MON1A: variants seen among roughly 807,000 people sequenced by gnomAD.
MON1A encodes the protein MON1 vesicular trafficking associated A, also known as vacuolar fusion protein MON1 homolog A.
A neutral mutation model predicts 44.6 loss-of-function variants in MON1A; 29 were observed. The observed-to-expected ratio is 0.65, with a 90% CI of 0.48 to 0.89. The LOEUF (loss-of-function observed/expected upper bound fraction) is 0.89, where lower values mean the gene tolerates loss of function less well. Ranked by LOEUF, MON1A falls within the 40% of genes least tolerant of loss-of-function variation. MON1A has a pLI of 0.00. For synonymous variants in MON1A, 275 were observed against 316.4 expected, an observed-to-expected ratio of 0.87 and a Z score of 1.39; for missense variants, 615 against 759.6, an observed-to-expected ratio of 0.81 and a Z score of 2.24.
chr3:49,912,878 A>C, intron 2 of MON1A: 1 of 397,960 alleles, frequency 2.5e-6, no homozygotes, highest in South Asian at 2.2e-5. Flanking sequence ...TAAAGAGATA[A>C]AATTATGAAA....
At chr3:49,927,078 T>C (rs2083058394) in intron 1 of MON1A, among the ~76,000 whole-genome samples, 1 of 152,144 alleles carries the variant, frequency 6.6e-6, no homozygotes, top group Admixed American at 6.5e-5. Flanking sequence ...CGCGCCCAGC[T>C]GAACTTGTGT....
At chr3:49,923,750 C>G (rs2083025180) in intron 1 of MON1A, among the ~76,000 whole-genome samples, 1 of 149,656 alleles carries the variant, frequency 6.7e-6, no homozygotes, top group African/African-American at 2.4e-5. Flanking sequence ...CTCACCTGGC[C>G]AAGAAAGACA....
chr3:49,917,199 C>T (rs919781051), intron 1 of MON1A, among the ~76,000 whole-genome samples: 1 of 152,204 alleles, frequency 6.6e-6, no homozygotes, highest in Non-Finnish European at 1.5e-5. Flanking sequence ...TGGGCTCAAG[C>T]AATCTGCCTG....
Position 49,929,768 on chromosome 3 carries a change from C to A in MON1A, c.-173G>T. 6.5e-7 allele frequency: 1 copy of A among 1,549,156 alleles called. No homozygotes were observed. The highest frequency in any genetic ancestry group is 8.7e-7 in the Non-Finnish European group (1 of 1,146,688). ...ACAGACATGGCCACAGCGCAGGCACCGCTCCCTCCCACCGCCCTCACCCGG... is the reference window on the plus strand; with the variant it reads ...ACAGACATGGCCACAGCGCAGGCACAGCTCCCTCCCACCGCCCTCACCCGG... On this transcript the variant is annotated 5_prime_UTR_variant, in exon 1 of 6. Transcript: ENST00000296473.
intron 1 of MON1A, among the ~76,000 whole-genome samples, chr3:49,918,040 C>CA (rs1004677386): frequency 1.7e-4 from 25 of 145,164 alleles, no homozygotes; most frequent in African/African-American, 4.9e-4. Context: ...AATTGCGTCT[C>CA]AAAAAAAACA....
chr3:49,910,233 G>A lies in MON1A; in HGVS notation c.1265C>T (p.Ala422Val), dbSNP rs2082857902. ...CAGTGCCTCTCGCAGGGCCAGGTGGGCTCCGCGCTTGCGAAGGCGCTCCTG... is the reference window on the plus strand; with the variant it reads ...CAGTGCCTCTCGCAGGGCCAGGTGGACTCCGCGCTTGCGAAGGCGCTCCTG... ...RFQERLRKRGAHLALREALRT... is the reference protein window; with the variant it reads ...RFQERLRKRGVHLALREALRT... The change falls in exon 4 of 6, where the codon GCC (alanine) becomes GTC (valine). Residue 422 changes from alanine to valine, a missense_variant. Physicochemically the swap from Ala to Val is moderately conservative, Grantham distance 64 (BLOSUM62 0). Coordinates refer to ENST00000296473, the MANE Select transcript of MON1A (RefSeq NM_032355.4). This position sits in a 1 kb window ranked among gnomAD's most constrained non-coding sequence, Gnocchi z 8.0. 2 of 1,613,974 alleles carry A rather than the reference G, an allele frequency of 1.2e-6. No homozygotes were observed. The highest frequency in any genetic ancestry group is 2.2e-5 in the South Asian group (2 of 91,090).
Position 49,913,252 on chromosome 3 carries a change from G to A in MON1A, c.95C>T (p.Pro32Leu). 3 of 1,614,178 alleles carry A rather than the reference G, an allele frequency of 1.9e-6. No homozygotes were observed. Among genetic ancestry groups the A allele is most frequent in the Non-Finnish European group, 1.7e-6 (2 of 1,180,028 alleles). The part of the protein sequence containing the change: ...DGQSMERAES[P>L]TPGMAQGMEP... ...CATTCCCTGGGCCATTCCTGGTGTG[G>A]GGCTCTCAGCTCTCTCCATACTCTG... Residue 32 changes from proline to leucine, a missense_variant, in exon 2 of 6, where the codon CCC (proline) becomes CTC (leucine). By Grantham distance (98) the Pro-to-Leu change is moderately conservative. Coordinates refer to ENST00000296473, the MANE Select transcript of MON1A (RefSeq NM_032355.4).
chr3:49,909,010 C>A lies in MON1A; in HGVS notation c.*4G>T, dbSNP rs748432039. 1.2e-6 allele frequency: 2 copies of A among 1,610,178 alleles called. No homozygotes were observed. The highest frequency in any genetic ancestry group is 2.2e-5 in the South Asian group (2 of 90,634). On this transcript the variant is annotated 3_prime_UTR_variant, in exon 6 of 6. Coordinates refer to ENST00000296473, the MANE Select transcript of MON1A (RefSeq NM_032355.4). This position sits in a 1 kb window ranked among gnomAD's most constrained non-coding sequence, Gnocchi z 4.0. ...CAGGAAGGCTGAGCCCGCACACATT[C>A]CCATCAATAGGTGAGGGGCGTGAGA...
intron 1 of MON1A, chr3:49,924,010 A>G (rs2083027072): frequency 6.6e-6 from 1 of 151,458 alleles, no homozygotes; most frequent in Admixed American, 6.6e-5. Flanking sequence ...TGAACTGGAG[A>G]GGCAGAGGTT....
rs114918681 is a variant in MON1A, at chr3:49,929,537, C to T, written c.-14+72G>A. ...TGGCTGGAGGCCCCCGTCTTCAAGC[C>T]CCTCCCTCCAAAGATGACAGCTCTC... On this transcript the variant is annotated intron_variant, in intron 1 of 5. Transcript: ENST00000296473. 3.6e-4 allele frequency: 547 copies of T among 1,514,112 alleles called. 2 individuals are homozygous for T. In the African/African-American group the frequency reaches 5.4e-3, roughly 15 times the overall value. The allele number at this position is 1,514,112 out of a possible 1,614,324, so 93.8% of individuals were successfully genotyped here. A position where few individuals can be genotyped will look rare whatever the true frequency, so the allele number is the denominator to read the frequency against.
chr3:49,926,865 GCC>G (rs2083056271), intron 1 of MON1A, among the ~76,000 whole-genome samples: 1 of 151,494 alleles, frequency 6.6e-6, no homozygotes, highest in African/African-American at 2.4e-5. Context: ...TGCAACCTCT[GCC>G]TCCTGGGTTC....
chr3:49,913,195 G>C, intron 2 of MON1A, 25 bp downstream of exon 2: 1 of 1,614,196 alleles, frequency 6.2e-7, no homozygotes, highest in Non-Finnish European at 8.5e-7. Context: ...TTGGCAGCTG[G>C]CTGAGGCTGT....
At chr3:49,924,324 T>C (rs1214896683) in intron 1 of MON1A, among the ~76,000 whole-genome samples, 2 of 152,202 alleles carry the variant, frequency 1.3e-5, no homozygotes, top group Non-Finnish European at 2.9e-5. Flanking sequence ...TATGCGACTT[T>C]GCATACTCCC....
intron 2 of MON1A, 59 bp downstream of exon 2, chr3:49,913,161 A>G: frequency 6.2e-7 from 1 of 1,607,120 alleles, no homozygotes; most frequent in African/African-American, 1.3e-5. Flanking sequence ...TGGGAATCCT[A>G]ATTCCCCCTG....
chr3:49,908,918 C>T lies in MON1A; in HGVS notation c.*96G>A, dbSNP rs1267241034. ...CATTCACCAACCCACAGTCCCTGCCCGCTGGCTGGGCAAGAGAGGCCAGCC... is the reference window on the plus strand; with the variant it reads ...CATTCACCAACCCACAGTCCCTGCCTGCTGGCTGGGCAAGAGAGGCCAGCC... On this transcript the variant is annotated 3_prime_UTR_variant, in exon 6 of 6. Transcript: ENST00000296473. 10 of 1,439,376 alleles carry T rather than the reference C, an allele frequency of 6.9e-6. No individual in the cohort carries two copies. The highest frequency in any genetic ancestry group is 4.7e-5 in the Admixed American group (2 of 42,798). 89.2% of individuals were successfully genotyped at this position (1,439,376 alleles called of 1,614,324 possible). A position where few individuals can be genotyped will look rare whatever the true frequency, so the allele number is the denominator to read the frequency against.
intron 1 of MON1A, among the ~76,000 whole-genome samples, chr3:49,923,538 C>A (rs1413304612): frequency 6.7e-6 from 1 of 149,530 alleles, no homozygotes; most frequent in Non-Finnish European, 1.5e-5. Flanking sequence ...AATCTCAGCT[C>A]CACCTCCCAG....
At chr3:49,929,385 A>G (rs1194913431) in intron 1 of MON1A, 55 of 606,628 alleles carry the variant, frequency 9.1e-5, no homozygotes, top group Non-Finnish European at 1.4e-4. Flanking sequence ...ACTGCCCCCT[A>G]CCGGATCTCG....
intron 1 of MON1A, among the ~76,000 whole-genome samples, chr3:49,918,247 G>T (rs2082964993): frequency 6.6e-6 from 1 of 151,526 alleles, no homozygotes; most frequent in Non-Finnish European, 1.5e-5. Context: ...TGAGACAGAA[G>T]AATTGCTTGT....
rs140319033 is a variant in MON1A, at chr3:49,927,667, G to C, written c.-14+1942C>G. On this transcript the variant is annotated intron_variant, in intron 1 of 5. Coordinates refer to ENST00000296473, the MANE Select transcript of MON1A (RefSeq NM_032355.4). ...AGCTGGGAGTTCCTCCAGGCTAACT[G>C]GTTGTTCACTGGCTCTGGAGTTGCA... Among the ~76,000 whole-genome samples the C allele has an allele frequency of 7.0e-3, 1,062 of 152,250 alleles. 15 individuals carry two copies. The highest frequency in any genetic ancestry group is 0.024 in the African/African-American group (1,011 of 41,558).
Sources: gnomAD v4.1 joint callset for allele counts (sites outside exome capture counted in the v4.1 genomes callset) on GRCh38, gnomAD v4.1.1 for gene constraint, Gnocchi (gnomAD v3.1) non-coding constraint, MANE v1.5 for transcripts, NCBI Gene and HGNC (gene_info 2026-07-23, HGNC 2026-07-21) for gene names.